Variants in HEATR1 observed in about 807,000 individuals in gnomAD.
HEATR1 encodes HEAT repeat containing 1.
A neutral mutation model predicts 248.2 loss-of-function variants in HEATR1; 77 were observed. The observed-to-expected ratio is 0.31, with a 90% CI of 0.26 to 0.37. The LOEUF is 0.37. Ranked by LOEUF, HEATR1 falls within the 10% of genes least tolerant of loss-of-function variation. The pLI is 1.00. For synonymous variants in HEATR1, 897 were observed against 923.1 expected, an observed-to-expected ratio of 0.97 and a Z score of 0.51; for missense variants, 2,420 against 2,504.9, an observed-to-expected ratio of 0.97 and a Z score of 0.72.
intron 14 of HEATR1, among the ~76,000 whole-genome samples, chr1:236,586,682 G>A (rs1407915174): frequency 6.6e-6 from 1 of 151,762 alleles, no homozygotes; most frequent in Non-Finnish European, 1.5e-5. Flanking sequence ...TTACAGGCAT[G>A]AGCCACTGTG....
intron 37 of HEATR1, 44 bp from the exon 38 acceptor site, chr1:236,556,302 C>T (rs753523593): frequency 3.0e-5 from 48 of 1,594,420 alleles, no homozygotes; most frequent in African/African-American, 8.1e-5. Flanking sequence ...TGCAGATCTT[C>T]GCTGACAAAC....
At chr1:236,567,428 T>C (rs898115993) in intron 29 of HEATR1, among the ~76,000 whole-genome samples, 2 of 152,212 alleles carry the variant, frequency 1.3e-5, no homozygotes, top group Admixed American at 6.5e-5. Context: ...ACAGGATACA[T>C]GGCTGGGCGC....
rs74729393 is a variant in HEATR1, at chr1:236,570,580, G to C, written c.3948+771C>G. On this transcript the variant is annotated intron_variant, in intron 28 of 44. Transcript: ENST00000366582. ...TACTCTTCAAGTAGATCGTGGTGGT[G>C]ATTACAGAAACTTCGTGAATATACT... Among the ~76,000 whole-genome samples the C allele has an allele frequency of 7.7e-3, 1,176 of 152,166 alleles. 22 individuals carry two copies. The highest frequency in any genetic ancestry group is 0.027 in the African/African-American group (1,138 of 41,510).
chr1:236,558,880 GAAA>G (rs1258696230), intron 35 of HEATR1, 112 bp downstream of exon 35: 2 of 902,772 alleles, frequency 2.2e-6, no homozygotes, highest in East Asian at 2.5e-5. Context: ...ATTATATTCA[GAAA>G]ATAATATACT....
chr1:236,569,787 T>C (rs1416843420), intron 28 of HEATR1, among the ~76,000 whole-genome samples: 1 of 152,132 alleles, frequency 6.6e-6, no homozygotes, highest in Non-Finnish European at 1.5e-5. Context: ...TAGGTATATA[T>C]ACCCAGGAGA....
chr1:236,582,890 G>T lies in HEATR1; in HGVS notation c.2426-18C>A, dbSNP rs777961124. 4 of 1,613,186 alleles carry T rather than the reference G, an allele frequency of 2.5e-6. No individual in the cohort carries two copies. The African/African-American group carries it at 4.0e-5, about 16-fold the overall frequency. ...TATATCACCTACAAGGACATGGAAA[G>T]AGAAATGATGCTAGATCCTACATGA... On this transcript the variant is annotated intron_variant, in intron 18 of 44. Coordinates refer to ENST00000366582, the MANE Select transcript of HEATR1 (RefSeq NM_018072.6).
intron 4 of HEATR1, 105 bp downstream of exon 4, chr1:236,599,378 T>C (rs772453093): frequency 1.4e-6 from 1 of 736,546 alleles, no homozygotes; most frequent in Non-Finnish European, 2.1e-6. Context: ...ATGATGGAGG[T>C]AGTTATCTGG....
At position 236,564,517 on chromosome 1, in the gene HEATR1, G is replaced by C; in HGVS notation, c.4580C>G (p.Ser1527Cys). 2 of 1,613,264 alleles carry C rather than the reference G, an allele frequency of 1.2e-6. No individual in the cohort carries two copies. The highest frequency in any genetic ancestry group is 3.4e-4 in the Middle Eastern group (2 of 5,848). Residue 1527 changes from serine (S) to cysteine (C), a missense_variant, in exon 32 of 45, where the codon TCC (serine) becomes TGC (cysteine). By Grantham distance (112) the Ser-to-Cys change is moderately radical. Transcript: ENST00000366582. Reference protein sequence around the residue: ...SVSFMSQLLSSNNFLKKVVES... With the variant: ...SVSFMSQLLSCNNFLKKVVES... ...CATTACCTTTTTCAGAAAATTATTG[G>C]AAGACAGGAGCTGAGACATGAAGGA... is the stretch of plus-strand genomic sequence containing the variant.
At chr1:236,599,350 G>T in intron 4 of HEATR1, 133 bp downstream of exon 4, 1 of 605,344 alleles carries the variant, frequency 1.7e-6, no homozygotes. Flanking sequence ...AGTTTCAATT[G>T]GAAGTCAGGA....
At chr1:236,596,431 T>C (rs886090200) in intron 6 of HEATR1, among the ~76,000 whole-genome samples, 4 of 152,146 alleles carry the variant, frequency 2.6e-5, no homozygotes, top group Non-Finnish European at 4.4e-5. Flanking sequence ...AAGCAGTACC[T>C]CCACAGGGCA....
chr1:236,602,323 A>G (rs868731990), intron 3 of HEATR1, among the ~76,000 whole-genome samples: 65 of 152,352 alleles, frequency 4.3e-4, no homozygotes, highest in African/African-American at 1.5e-3. Flanking sequence ...GTGTGACTCA[A>G]GAAACTTAAT....
chr1:236,587,536 C>A, intron 13 of HEATR1, 46 bp from the exon 14 acceptor site: 1 of 862,664 alleles, frequency 1.2e-6, no homozygotes, highest in Non-Finnish European at 1.7e-6. Flanking sequence ...TTGCTTCAAA[C>A]ATGTATGGCG....
rs748767159 is a variant in HEATR1, at chr1:236,603,194, G to A, written c.325C>T (p.Pro109Ser). Residue 109 changes from proline (P) to serine (S), a missense_variant, in exon 3 of 45, where the codon CCA becomes TCA. Coordinates refer to ENST00000366582, the MANE Select transcript of HEATR1 (RefSeq NM_018072.6). The part of the protein sequence containing the change: ...IHLSPYFLLK[P>S]AQKCLEWLIH... ...AACCACTCCAGACACTTCTGTGCTG[G>A]CTTAAGCAGGAAGTAAGGCGACAAG... 1 of 1,613,964 alleles carries A rather than the reference G, an allele frequency of 6.2e-7. No individual in the cohort carries two copies. Among genetic ancestry groups the A allele is most frequent in the Admixed American group, 1.7e-5 (1 of 60,012 alleles).
intron 14 of HEATR1, among the ~76,000 whole-genome samples, chr1:236,586,814 A>T (rs1663898527): frequency 6.6e-6 from 1 of 152,104 alleles, no homozygotes; most frequent in South Asian, 2.1e-4. Flanking sequence ...TAGATGTCTC[A>T]ACTCTACCGG....
intron 12 of HEATR1, among the ~76,000 whole-genome samples, chr1:236,588,355 T>C (rs771248318): frequency 3.9e-5 from 6 of 152,234 alleles, no homozygotes; most frequent in Non-Finnish European, 8.8e-5. Flanking sequence ...TGACGGGATA[T>C]AGACTAAAGA....
At chr1:236,573,844 C>CT (rs1462410128) in intron 24 of HEATR1, among the ~76,000 whole-genome samples, 5 of 152,088 alleles carry the variant, frequency 3.3e-5, no homozygotes, top group Admixed American at 3.3e-4. Flanking sequence ...CATTAAACAA[C>CT]TATTTAAATT....
chr1:236,603,114 A>C, intron 3 of HEATR1, 46 bp downstream of exon 3: 1 of 1,459,012 alleles, frequency 6.9e-7, no homozygotes, highest in Non-Finnish European at 9.6e-7. Flanking sequence ...TTTTTACAAG[A>C]CCAAAGTGAT....
intron 16 of HEATR1, among the ~76,000 whole-genome samples, 159 bp from the exon 17 acceptor site, chr1:236,585,375 T>C (rs1489684996): frequency 6.6e-6 from 1 of 152,244 alleles, no homozygotes; most frequent in Non-Finnish European, 1.5e-5. Flanking sequence ...TAAGTAATTA[T>C]AAGAATAATT....
intron 20 of HEATR1, among the ~76,000 whole-genome samples, chr1:236,580,285 T>C (rs1663677945): frequency 1.3e-5 from 2 of 152,214 alleles, no homozygotes; most frequent in Non-Finnish European, 2.9e-5. Flanking sequence ...AAGAGATAAA[T>C]GCAGGAGGGT....
Sources: gnomAD v4.1 joint callset for allele counts (sites outside exome capture counted in the v4.1 genomes callset) on GRCh38, gnomAD v4.1.1 for gene constraint, MANE v1.5 for transcripts, NCBI Gene and HGNC (gene_info 2026-07-23, HGNC 2026-07-21) for gene names.